CENPI: variants seen among roughly 807,000 people sequenced by gnomAD.
CENPI encodes the protein centromere protein I.
A neutral mutation model predicts 60.4 loss-of-function variants in CENPI; 4 were observed. The observed-to-expected ratio is 0.07, with a 90% CI of 0.03 to 0.15. The LOEUF is 0.15. Ranked by LOEUF, CENPI falls within the 10% of genes least tolerant of loss-of-function variation. The pLI is 1.00. For synonymous variants in CENPI, 157 were observed against 189.4 expected (o/e 0.83, Z 1.40); for missense variants, 444 against 534.5 (o/e 0.83, Z 1.67).
chrX:101,150,223 C>G (rs2089995161), intron 20 of CENPI, among the ~76,000 whole-genome samples: 1 of 105,681 alleles, frequency 9.5e-6, no homozygotes, highest in Non-Finnish European at 1.9e-5. Flanking sequence ...TATGAGGCTA[C>G]TAGATGAAAT....
Position 101,164,151 on chromosome X carries a change from T to C in CENPI, c.*1184T>C, listed in dbSNP as rs1226636439. 9.0e-6 allele frequency among the ~76,000 whole-genome samples: 1 copy of C among 111,345 alleles called. No individual in the cohort carries two copies. Among genetic ancestry groups the C allele is most frequent in the Non-Finnish European group, 1.9e-5 (1 of 53,071 alleles). ...GATGCATACTTGGGGTTCTTTTTTT[T>C]CCCCATTTAAAAAACAAACCCTAAA... is the stretch of plus-strand genomic sequence containing the variant. On this transcript the variant is annotated 3_prime_UTR_variant, in exon 22 of 22. Coordinates refer to ENST00000682095, the MANE Select transcript of CENPI (RefSeq NM_001386188.2).
chrX:101,140,855 A>G (rs750807349), intron 16 of CENPI, 95 bp downstream of exon 16: 24 of 569,352 alleles, frequency 4.2e-5, no homozygotes, highest in Non-Finnish European at 6.7e-5. Flanking sequence ...TTTCATGTAA[A>G]TGCTTAGTAG....
At chrX:101,171,106 C>T (rs1216362739), downstream of CENPI, among the ~76,000 whole-genome samples, 8 of 111,826 alleles carry the variant, frequency 7.2e-5, no homozygotes, top group Admixed American at 7.6e-4. Context: ...TCAAAGTCTA[C>T]AGCGCTATAT....
intron 20 of CENPI, among the ~76,000 whole-genome samples, chrX:101,150,041 A>T (rs1477477516): frequency 4.5e-5 from 5 of 110,293 alleles, no homozygotes; most frequent in African/African-American, 1.6e-4. Flanking sequence ...GATTGATTAG[A>T]ATATTTGAAT....
At chrX:101,181,493 G>A in the CENPI span, among the ~76,000 whole-genome samples, 1 of 112,132 alleles carries the variant, frequency 8.9e-6, no homozygotes. Flanking sequence ...AGTTTCTAGT[G>A]TACAAGTCTT....
chrX:101,154,211 G>A (rs1342593087), intron 20 of CENPI, among the ~76,000 whole-genome samples: 1 of 111,746 alleles, frequency 8.9e-6, no homozygotes, highest in African/African-American at 3.2e-5. Flanking sequence ...TTTCAAGATT[G>A]TTTTGGCTAT....
At chrX:101,134,159 G>A (rs1482656941) in intron 15 of CENPI, among the ~76,000 whole-genome samples, 6 of 110,791 alleles carry the variant, frequency 5.4e-5, no homozygotes, top group Non-Finnish European at 1.1e-4. Flanking sequence ...GGGAATAATT[G>A]ATGGTACAAG....
At chrX:101,160,668 G>A (rs772162704) in intron 20 of CENPI, among the ~76,000 whole-genome samples, 56 of 110,911 alleles carry the variant, frequency 5.0e-4, no homozygotes, top group Non-Finnish European at 9.1e-4. Flanking sequence ...GATTACAGAT[G>A]TGAGCCACCA....
At chrX:101,180,228 C>T in the CENPI span, among the ~76,000 whole-genome samples, 1 of 111,309 alleles carries the variant, frequency 9.0e-6, no homozygotes, top group African/African-American at 3.3e-5. Context: ...CCTCAACCTT[C>T]TGGGCTAAAG....
downstream of CENPI, among the ~76,000 whole-genome samples, chrX:101,166,719 A>G (rs1217189797): frequency 1.8e-5 from 2 of 112,501 alleles, no homozygotes; most frequent in African/African-American, 6.4e-5. Context: ...CTTAATGTTC[A>G]ATACTAAAGA....
chrX:101,110,099 T>C, intron 6 of CENPI, 101 bp downstream of exon 6: 1 of 422,371 alleles, frequency 2.4e-6, no homozygotes. Flanking sequence ...ATGTTTTTCC[T>C]TATTTTAAAA....
downstream of CENPI, among the ~76,000 whole-genome samples, chrX:101,166,305 G>A (rs2090144069): frequency 8.9e-6 from 1 of 112,004 alleles, no homozygotes; most frequent in Admixed American, 9.4e-5. Flanking sequence ...ACAGGCACAT[G>A]CCACCATGCC....
At chrX:101,128,496 TCAAAA>T (rs775998555) in intron 11 of CENPI, among the ~76,000 whole-genome samples, 13 of 110,889 alleles carry the variant, frequency 1.2e-4, no homozygotes, top group Non-Finnish European at 2.5e-4. Context: ...AGACTCCATC[TCAAAA>T]CAAAACAAAA....
chrX:101,125,210 A>G (rs750268312), intron 8 of CENPI, among the ~76,000 whole-genome samples: 1 of 111,283 alleles, frequency 9.0e-6, no homozygotes, highest in East Asian at 2.8e-4. Context: ...GTTGTCAAGC[A>G]TGAATCTGAT....
chrX:101,123,898 G>T (rs1036886143), intron 8 of CENPI, among the ~76,000 whole-genome samples: 3 of 111,787 alleles, frequency 2.7e-5, no homozygotes, highest in Admixed American at 1.9e-4. Context: ...GCTTGGTAAA[G>T]CTTATTTGTT....
chrX:101,102,244 C>T (rs767702335), intron 3 of CENPI, 30 bp from the exon 4 acceptor site: 2 of 1,076,061 alleles, frequency 1.9e-6, no homozygotes, highest in East Asian at 6.3e-5. Flanking sequence ...TTTTAAAGGT[C>T]TCACTATTTA....
At chrX:101,099,729 CCACTT>C (rs1390939554) in intron 2 of CENPI, 4 of 109,373 alleles carry the variant, frequency 3.7e-5, no homozygotes, top group Non-Finnish European at 1.9e-5. Context: ...CTTCCCATCT[CCACTT>C]CATTTCTATC....
chrX:101,134,479 A>G (rs1041056814), intron 15 of CENPI, among the ~76,000 whole-genome samples: 1 of 111,865 alleles, frequency 8.9e-6, no homozygotes, highest in Non-Finnish European at 1.9e-5. Context: ...AAAGACAAGT[A>G]AAAGGATTAT....
intron 16 of CENPI, among the ~76,000 whole-genome samples, chrX:101,143,485 A>G (rs1429351297): frequency 1.8e-5 from 2 of 111,886 alleles, no homozygotes; most frequent in African/African-American, 6.5e-5. Context: ...AATTTTGCTA[A>G]TTCCCTTTTA....
Sources: allele counts gnomAD v4.1 joint callset (sites outside exome capture counted in the v4.1 genomes callset), GRCh38; gene constraint gnomAD v4.1.1; transcripts MANE v1.5; gene names NCBI Gene and HGNC (gene_info 2026-07-23, HGNC 2026-07-21).